CLRN1: variants seen among roughly 807,000 people sequenced by gnomAD.
The protein encoded by CLRN1 is clarin 1, also known as clarin-1.
CLRN1 carries 15 observed loss-of-function variants against 18.7 expected under a neutral mutation model. The ratio of observed to expected loss-of-function variants is 0.80; its 90% CI spans 0.54 to 1.23. The LOEUF is 1.23. Ranked by LOEUF, CLRN1 falls within the 50% of genes most tolerant of loss-of-function variation. The pLI is 0.00. For missense variants in CLRN1, 311 were observed against 277.5 expected, an observed-to-expected ratio of 1.12 and a Z score of -0.86; for synonymous variants, 104 against 102.9, an observed-to-expected ratio of 1.01 and a Z score of -0.07.
At chr3:150,955,004 A>G (rs58910103) in intron 1 of CLRN1, among the ~76,000 whole-genome samples, 1,742 of 152,366 alleles carry the variant, frequency 0.011, 48 homozygotes, top group East Asian at 0.092. Flanking sequence ...CTTAGTATCC[A>G]TTGACAGGTG....
At chr3:150,948,223 G>T (rs1384284685) in intron 1 of CLRN1, among the ~76,000 whole-genome samples, 1 of 151,260 alleles carries the variant, frequency 6.6e-6, no homozygotes, top group Non-Finnish European at 1.5e-5. Context: ...GGTGGCTCAC[G>T]CCTGTAATCC....
At chr3:150,946,306 T>G (rs1714166613) in intron 1 of CLRN1, among the ~76,000 whole-genome samples, 1 of 152,218 alleles carries the variant, frequency 6.6e-6, no homozygotes, top group African/African-American at 2.4e-5. Context: ...CAGAGGCATG[T>G]ACCATGACCA....
At chr3:150,954,443 G>A (rs1325875476) in intron 1 of CLRN1, among the ~76,000 whole-genome samples, 1 of 152,136 alleles carries the variant, frequency 6.6e-6, no homozygotes, top group Non-Finnish European at 1.5e-5. Context: ...TGATGTGTTT[G>A]TATCTTTTGT....
At chr3:150,944,057 G>T in intron 1 of CLRN1, 3 of 769,560 alleles carry the variant, frequency 3.9e-6, no homozygotes, top group Non-Finnish European at 6.4e-6. Flanking sequence ...TAGGGTAATG[G>T]GATTTTGAGT....
intron 1 of CLRN1, among the ~76,000 whole-genome samples, chr3:150,953,230 A>C (rs188795792): frequency 8.1e-4 from 123 of 152,358 alleles, no homozygotes; most frequent in African/African-American, 2.8e-3. Context: ...TGGTCTCCAG[A>C]AAGTATTTGA....
chr3:150,960,462 C>A (rs1365244007), intron 1 of CLRN1, among the ~76,000 whole-genome samples: 1 of 152,166 alleles, frequency 6.6e-6, no homozygotes, highest in Non-Finnish European at 1.5e-5. Context: ...TTCAGGCAAA[C>A]TTTCTATCTT....
intron 1 of CLRN1, chr3:150,943,887 G>A: frequency 6.2e-7 from 1 of 1,614,012 alleles, no homozygotes; most frequent in Non-Finnish European, 8.5e-7. Flanking sequence ...GCTGGTTCCT[G>A]CACTCGTTCA....
rs55846714 is a variant in CLRN1 at position 150,948,483 on chromosome 3, C to CAAA, written c.254-6725_254-6723dup. ...TGGGCGACAGAGCGAGACTCCGTCT[C>CAAA]AAAAAAAAAAAAAAAAAAAAAAAAA... is the stretch of plus-strand genomic sequence containing the variant. On this transcript the variant is annotated intron_variant, in intron 1 of 2. Transcript: ENST00000327047. Among the ~76,000 whole-genome samples, 37 of 54,384 alleles carry CAAA rather than the reference C, an allele frequency of 6.8e-4. 2 individuals are homozygous for CAAA. The highest frequency in any genetic ancestry group is 1.3e-3 in the African/African-American group (14 of 10,472). 35.7% of individuals were successfully genotyped at this position (54,384 alleles called of 152,430 possible). A position where few individuals can be genotyped will look rare whatever the true frequency, so the allele number is the denominator to read the frequency against.
At chr3:150,955,195 G>A (rs1365398645) in intron 1 of CLRN1, among the ~76,000 whole-genome samples, 3 of 152,198 alleles carry the variant, frequency 2.0e-5, no homozygotes, top group African/African-American at 4.8e-5. Flanking sequence ...AAAGCAAAAT[G>A]ATAAGGACAG....
intron 2 of CLRN1, among the ~76,000 whole-genome samples, chr3:150,939,567 A>G (rs747660171): frequency 6.6e-6 from 1 of 152,168 alleles, no homozygotes; most frequent in Non-Finnish European, 1.5e-5. Context: ...TAAAATACAG[A>G]TGGCCATCTT....
chr3:150,941,988 T>C (rs538398341), intron 1 of CLRN1, among the ~76,000 whole-genome samples: 6 of 152,302 alleles, frequency 3.9e-5, no homozygotes, highest in African/African-American at 1.4e-4. Flanking sequence ...TTTGAGGTAA[T>C]TTATTTTCTG....
At position 150,926,728 on chromosome 3, in the gene CLRN1, G is replaced by A. The variant is rs1411748353; in HGVS notation, c.*1208C>T. On this transcript the variant is annotated 3_prime_UTR_variant, in exon 3 of 3. Transcript: ENST00000327047. ...GTACTTTCAAACCTATTATATGAGG[G>A]CTGCTGAGTACTCAGCACCTGTGGT... The A allele has an allele frequency of 3.3e-6, 5 of 1,494,282 alleles. No homozygotes were observed. The highest frequency in any genetic ancestry group is 4.7e-6 in the Non-Finnish European group (5 of 1,072,972). 92.6% of individuals were successfully genotyped at this position (1,494,282 alleles called of 1,614,324 possible). A position where few individuals can be genotyped will look rare whatever the true frequency, so the allele number is the denominator to read the frequency against.
intron 1 of CLRN1, among the ~76,000 whole-genome samples, chr3:150,969,396 G>T (rs558685809): frequency 7.7e-6 from 1 of 129,786 alleles, no homozygotes; most frequent in East Asian, 2.4e-4. Flanking sequence ...GCGAGATCTC[G>T]GCTCACTGCA....
At chr3:150,939,974 T>A (rs981791131) in intron 2 of CLRN1, among the ~76,000 whole-genome samples, 26 of 152,216 alleles carry the variant, frequency 1.7e-4, no homozygotes, top group Admixed American at 1.4e-3. Context: ...TCCTATTGCT[T>A]CAAAGCGCCT....
rs1382488061 is a variant in CLRN1, at chr3:150,928,101, G to T, written c.534C>A (p.Tyr178Ter). 6.2e-7 allele frequency: 1 copy of T among 1,613,614 alleles called. No homozygotes were observed. Among genetic ancestry groups the T allele is most frequent in the Non-Finnish European group, 8.5e-7 (1 of 1,179,870 alleles). The part of the protein sequence containing the change: ...IANYKEGTYV[Y>*]KTQSEKYTTS... ...TGGTATATTTTTCACTTTGCGTTTT[G>T]TAGACATAAGTCCCTTCTTTATAAT... The change falls in exon 3 of 3, where the codon TAC becomes TAA. Residue 178 changes from tyrosine to a stop codon, truncating the protein, a stop_gained. Transcript: ENST00000327047. LOFTEE classifies it high-confidence loss of function.
rs571845115 is a variant in CLRN1 at position 150,928,441 on chromosome 3, G to C, written c.434-240C>G. Among the ~76,000 whole-genome samples the C allele has an allele frequency of 7.9e-5, 12 of 152,204 alleles. 1 individual carries two copies. The East Asian group carries it at 9.6e-4, about 12-fold the overall frequency. ...TGTGTGTGCGTGTAGGAGTGCAGTGGGAGGTAAGGAGGTGGTTAGAATTAA... is the reference window on the plus strand; with the variant it reads ...TGTGTGTGCGTGTAGGAGTGCAGTGCGAGGTAAGGAGGTGGTTAGAATTAA... On this transcript the variant is annotated intron_variant, in intron 2 of 2. Transcript: ENST00000327047.
intron 1 of CLRN1, chr3:150,943,717 A>T (rs1263750252): frequency 6.3e-7 from 1 of 1,587,516 alleles, no homozygotes; most frequent in East Asian, 2.3e-5. Context: ...ATGATGAAGC[A>T]AAGGGCCCAC....
At chr3:150,957,309 C>T (rs1019967644) in intron 1 of CLRN1, among the ~76,000 whole-genome samples, 3 of 151,910 alleles carry the variant, frequency 2.0e-5, no homozygotes, top group Admixed American at 6.6e-5. Context: ...GATCCTGTGG[C>T]TATTTCCTGA....
chr3:150,946,754 T>A (rs1714199143), intron 1 of CLRN1, among the ~76,000 whole-genome samples: 2 of 151,290 alleles, frequency 1.3e-5, no homozygotes, highest in African/African-American at 4.8e-5. Flanking sequence ...ATTTTTATTT[T>A]TTATTATTAT....
Sources: allele counts gnomAD v4.1 joint callset (sites outside exome capture counted in the v4.1 genomes callset), GRCh38; gene constraint gnomAD v4.1.1; transcripts MANE v1.5; gene names NCBI Gene and HGNC (gene_info 2026-07-23, HGNC 2026-07-21).